AGBL1: variants seen among roughly 807,000 people sequenced by gnomAD.
AGBL1 encodes AGBL carboxypeptidase 1, also known as cytosolic carboxypeptidase 4.
A neutral mutation model predicts 118.9 loss-of-function variants in AGBL1; 130 were observed. The observed-to-expected ratio is 1.09, with a 90% confidence interval of 0.95 to 1.26. The LOEUF is 1.26. Among genes scored for constraint, AGBL1 ranks in the 50% most tolerant of loss-of-function variants. The pLI is 0.00. For synonymous variants in AGBL1, 555 were observed against 478.9 expected, an observed-to-expected ratio of 1.16 and a Z score of -2.08; for missense variants, 1,584 against 1,298.1, an observed-to-expected ratio of 1.22 and a Z score of -3.38.
chr15:86,127,683 A>G (rs2076764566), intron 1 of AGBL1, among the ~76,000 whole-genome samples: 1 of 152,254 alleles, frequency 6.6e-6, no homozygotes, highest in Admixed American at 6.5e-5. Flanking sequence ...CAGCTGGGCT[A>G]CAAGTTCCAT....
At position 86,256,927 on chromosome 15, in the gene AGBL1, G is replaced by C; in HGVS notation, c.810G>C (p.Thr270=). 1.9e-6 allele frequency: 3 copies of C among 1,613,884 alleles called. No homozygotes were observed. The highest frequency in any genetic ancestry group is 1.1e-5 in the South Asian group (1 of 91,058). The change falls in exon 8 of 23, where the codon ACG becomes ACC. Residue 270 remains threonine (T), a synonymous_variant. Coordinates refer to ENST00000614907, the MANE Select transcript of AGBL1 (RefSeq NM_001386094.1). ...AGATCCTGAGGCAGTGCTACCCTAC[G>C]AGTCCACTTCCCTTGGTCACAGCCA... ...VLQILRQCYP[T]SPLPLVTASS...
intron 18 of AGBL1, among the ~76,000 whole-genome samples, chr15:86,462,444 A>C (rs1364386415): frequency 1.3e-5 from 2 of 151,898 alleles, no homozygotes; most frequent in Non-Finnish European, 2.9e-5. Context: ...TTTAAAAAAA[A>C]ACACAAAAAA....
intron 17 of AGBL1, among the ~76,000 whole-genome samples, chr15:86,336,779 T>C (rs2141873694): frequency 6.6e-6 from 1 of 152,334 alleles, no homozygotes; most frequent in South Asian, 2.1e-4. Flanking sequence ...GGGCTTTTCA[T>C]AGCTCTGATA....
chr15:86,115,960 T>C (rs1215863890), intron 1 of AGBL1, among the ~76,000 whole-genome samples: 3 of 152,194 alleles, frequency 2.0e-5, no homozygotes, highest in Non-Finnish European at 2.9e-5. Context: ...CATGTCATCC[T>C]ATACATGAGG....
At position 86,136,386 on chromosome 15, in the gene AGBL1, G is replaced by A. The variant is rs565807414; in HGVS notation, c.52-5618G>A. On this transcript the variant is annotated intron_variant, in intron 1 of 22. Coordinates refer to ENST00000614907, the MANE Select transcript of AGBL1 (RefSeq NM_001386094.1). ...ATAATTCTGTTCTTGGAGAGGCCAG[G>A]CCACCACAGTGCCTCACTTGGTGGG... Among the ~76,000 whole-genome samples, 27 of 152,276 alleles carry A rather than the reference G, an allele frequency of 1.8e-4. No homozygotes were observed. The South Asian group carries it at 5.4e-3, about 30-fold the overall frequency.
intron 17 of AGBL1, among the ~76,000 whole-genome samples, chr15:86,313,306 C>G (rs1250874679): frequency 1.3e-5 from 2 of 152,052 alleles, no homozygotes; most frequent in Non-Finnish European, 2.9e-5. Context: ...AGATTCTGAA[C>G]TCTTTAGAAA....
chr15:86,217,298 A>G (rs1456270107), intron 5 of AGBL1, among the ~76,000 whole-genome samples: 1 of 152,222 alleles, frequency 6.6e-6, no homozygotes, highest in East Asian at 1.9e-4. Flanking sequence ...TTGTTGAACG[A>G]AAGAATAATA....
intron 22 of AGBL1, among the ~76,000 whole-genome samples, chr15:86,902,238 G>T (rs1275432708): frequency 6.6e-6 from 1 of 152,134 alleles, no homozygotes; most frequent in Non-Finnish European, 1.5e-5. Context: ...ATGTATTAAA[G>T]ATCTGGCTCA....
Position 86,456,956 on chromosome 15 carries a change from G to A in AGBL1, c.2555+59410G>A, listed in dbSNP as rs576077945. Among the ~76,000 whole-genome samples, 3 of 152,236 alleles carry A rather than the reference G, an allele frequency of 2.0e-5. No homozygotes were observed. In the South Asian group the frequency reaches 6.2e-4, roughly 32 times the overall value. On this transcript the variant is annotated intron_variant, in intron 18 of 22. Coordinates refer to ENST00000614907, the MANE Select transcript of AGBL1 (RefSeq NM_001386094.1). ...TTCTGAAGACAGATACATTTATTAA[G>A]TATTCCTTATGGATTCATTTCAAAA...
chr15:86,888,506 T>G (rs184225464), intron 22 of AGBL1, among the ~76,000 whole-genome samples: 2 of 152,280 alleles, frequency 1.3e-5, no homozygotes, highest in Non-Finnish European at 2.9e-5. Flanking sequence ...ATATCTAAGA[T>G]GTATGTGTGT....
chr15:86,942,293 TCC>T (rs1439177999), intron 23 of AGBL1, among the ~76,000 whole-genome samples: 2 of 152,172 alleles, frequency 1.3e-5, no homozygotes, highest in Admixed American at 6.5e-5. Flanking sequence ...GAAGTTTTCA[TCC>T]CCTAAGGTGG....
chr15:86,844,187 G>A (rs773266402), intron 22 of AGBL1, among the ~76,000 whole-genome samples: 7 of 152,120 alleles, frequency 4.6e-5, no homozygotes, highest in Admixed American at 3.3e-4. Flanking sequence ...TAATGCTGCC[G>A]TGAACACTCA....
At chr15:86,919,585 C>A (rs2080463786), downstream of AGBL1, among the ~76,000 whole-genome samples, 1 of 120,094 alleles carries the variant, frequency 8.3e-6, no homozygotes, top group African/African-American at 2.6e-5. Context: ...CACACACACA[C>A]ACACACACAC....
chr15:86,332,431 G>A (rs543854924), intron 17 of AGBL1, among the ~76,000 whole-genome samples: 1 of 152,158 alleles, frequency 6.6e-6, no homozygotes, highest in East Asian at 1.9e-4. Flanking sequence ...CGGATCACGA[G>A]GTCAGGAGAT....
intron 18 of AGBL1, among the ~76,000 whole-genome samples, chr15:86,472,010 G>A (rs778552015): frequency 6.6e-6 from 1 of 152,200 alleles, no homozygotes; most frequent in Non-Finnish European, 1.5e-5. Flanking sequence ...AGAAGGTCAT[G>A]TGAAGACAGA....
At chr15:86,096,095 A>C (rs1241697440) in intron 1 of AGBL1, among the ~76,000 whole-genome samples, 1 of 152,170 alleles carries the variant, frequency 6.6e-6, no homozygotes, top group Non-Finnish European at 1.5e-5. Flanking sequence ...CTGCATGTCA[A>C]AAATGTAATC....
At chr15:86,152,316 C>T (rs756519561) in intron 3 of AGBL1, among the ~76,000 whole-genome samples, 1 of 151,776 alleles carries the variant, frequency 6.6e-6, no homozygotes, top group Non-Finnish European at 1.5e-5. Context: ...GGTACCAAAA[C>T]AGATAGACTA....
chr15:87,006,946 G>T (rs762278504), intron 24 of AGBL1, among the ~76,000 whole-genome samples: 7 of 152,136 alleles, frequency 4.6e-5, no homozygotes, highest in Non-Finnish European at 8.8e-5. Flanking sequence ...GCTTTAAGTA[G>T]GATGGGTTTT....
At chr15:86,612,889 G>A (rs1178942325) in intron 21 of AGBL1, among the ~76,000 whole-genome samples, 1 of 152,172 alleles carries the variant, frequency 6.6e-6, no homozygotes, top group Non-Finnish European at 1.5e-5. Flanking sequence ...CTTAACTCAA[G>A]CTGATTTCAA....
Sources: allele counts gnomAD v4.1 joint callset (sites outside exome capture counted in the v4.1 genomes callset), GRCh38; gene constraint gnomAD v4.1.1; transcripts MANE v1.5; gene names NCBI Gene and HGNC (gene_info 2026-07-23, HGNC 2026-07-21).